CLVS1: variants seen among roughly 807,000 people sequenced by gnomAD.
CLVS1 encodes clavesin-1.
Under a neutral mutation model 33.1 loss-of-function variants are expected in CLVS1, and 10 were observed. The ratio of observed to expected loss-of-function variants is 0.30; its 90% confidence interval spans 0.19 to 0.51. CLVS1 has a LOEUF of 0.51. Among genes scored for constraint, CLVS1 ranks in the 20% least tolerant of loss-of-function variants. CLVS1 has a pLI of 0.97. For missense variants in CLVS1, 343 were observed against 433.4 expected (o/e 0.79, Z 1.85); for synonymous variants, 163 against 166.1 (o/e 0.98, Z 0.14).
chr8:61,341,828 G>A (rs1456471715), intron 2 of CLVS1, among the ~76,000 whole-genome samples: 1 of 152,170 alleles, frequency 6.6e-6, no homozygotes, highest in Non-Finnish European at 1.5e-5. Context: ...ATTTTGCAAG[G>A]CTGAAGGTGT....
chr8:61,356,176 ATT>A (rs529061913), intron 2 of CLVS1, among the ~76,000 whole-genome samples: 1 of 151,606 alleles, frequency 6.6e-6, no homozygotes, highest in South Asian at 2.1e-4. Flanking sequence ...GATGATGAGC[ATT>A]TTTTCATGTG....
rs181688801 is a variant in CLVS1, at chr8:61,162,827, G to C, written c.-152+30967G>C. Reference sequence around the variant, plus strand: ...AGCCTTTTGTCTTGTTTTATATCTCGAGAGCCTGGCTTTTGGGGCCAAGTG... The same window carrying C: ...AGCCTTTTGTCTTGTTTTATATCTCCAGAGCCTGGCTTTTGGGGCCAAGTG... On this transcript the variant is annotated intron_variant, in intron 2 of 2. Coordinates refer to the CLVS1 transcript ENST00000522621. 9.1e-4 allele frequency among the ~76,000 whole-genome samples: 138 copies of C among 152,176 alleles called. 1 individual carries two copies. The highest frequency in any genetic ancestry group is 8.1e-3 in the Admixed American group (124 of 15,280).
At chr8:61,056,240 A>G (rs979168828), upstream of CLVS1, among the ~76,000 whole-genome samples, 1 of 152,198 alleles carries the variant, frequency 6.6e-6, no homozygotes, top group African/African-American at 2.4e-5. Context: ...TTCTTACACC[A>G]AAGGTATTTA....
chr8:61,216,563 A>G lies in CLVS1; in HGVS notation c.-151-83114A>G, dbSNP rs78175347. On this transcript the variant is annotated intron_variant, in intron 2 of 2. Transcript: ENST00000522621. Reference sequence around the variant, plus strand: ...GAGGGGCTTATCTGAGAGGAGGAAGATGGAGGAACCAGATTTATTTCATTA... The same window carrying G: ...GAGGGGCTTATCTGAGAGGAGGAAGGTGGAGGAACCAGATTTATTTCATTA... Among the ~76,000 whole-genome samples the G allele has an allele frequency of 3.0e-3, 463 of 152,350 alleles. 1 individual carries two copies. The highest frequency in any genetic ancestry group is 0.011 in the African/African-American group (443 of 41,584).
intron 2 of CLVS1, among the ~76,000 whole-genome samples, chr8:61,276,183 C>T (rs1456559913): frequency 6.6e-6 from 1 of 152,182 alleles, no homozygotes; most frequent in Non-Finnish European, 1.5e-5. Context: ...AGGACAAAAT[C>T]CAGATTGGTA....
At chr8:61,472,238 CAT>C (rs1192202210) in intron 5 of CLVS1, among the ~76,000 whole-genome samples, 1 of 152,186 alleles carries the variant, frequency 6.6e-6, no homozygotes, top group African/African-American at 2.4e-5. Flanking sequence ...TTCTGAAGAT[CAT>C]ATGTTTCCCA....
intron 1 of CLVS1, among the ~76,000 whole-genome samples, chr8:61,108,786 C>T (rs1046521639): frequency 6.6e-6 from 1 of 152,188 alleles, no homozygotes; most frequent in African/African-American, 2.4e-5. Context: ...CTGGTTTTAA[C>T]ATTTCAGAAG....
At chr8:61,021,343 T>TTTTGTTTG in the CLVS1 span, among the ~76,000 whole-genome samples, 4 of 151,874 alleles carry the variant, frequency 2.6e-5, no homozygotes, top group Non-Finnish European at 5.9e-5. Flanking sequence ...CACGGTTGTG[T>TTTTGTTTG]TTTGTTTGTT....
At chr8:61,152,479 C>T (rs956969) in intron 2 of CLVS1, among the ~76,000 whole-genome samples, 60,865 of 152,112 alleles carry the variant, frequency 0.4, 15,244 homozygotes, top group Middle Eastern at 0.65. Flanking sequence ...CCGGTGGGTT[C>T]GTTTGTATGG....
At chr8:61,041,193 G>A in the CLVS1 span, among the ~76,000 whole-genome samples, 29,529 of 151,990 alleles carry the variant, frequency 0.19, 3,916 homozygotes, top group African/African-American at 0.37. Flanking sequence ...TGGTCTATAT[G>A]TCTGTTTTTG....
chr8:61,297,637 T>C (rs544191931), intron 1 of CLVS1, among the ~76,000 whole-genome samples: 1 of 152,260 alleles, frequency 6.6e-6, no homozygotes, highest in South Asian at 2.1e-4. Flanking sequence ...TTCAGTAGGC[T>C]GTAGAATGTG....
rs183602609 is a variant in CLVS1 at position 61,169,763 on chromosome 8, G to A, written c.-152+37903G>A. ...TGGTGTTTAAGCCTCAACCATCTGG[G>A]CTTTCTGTGAGTCTCATATTTGTGA... On this transcript the variant is annotated intron_variant, in intron 2 of 2. Transcript: ENST00000522621. 2.4e-3 allele frequency among the ~76,000 whole-genome samples: 366 copies of A among 151,478 alleles called. 3 individuals carry two copies. The highest frequency in any genetic ancestry group is 8.4e-3 in the African/African-American group (346 of 41,212).
At position 61,178,000 on chromosome 8, in the gene CLVS1, C is replaced by T. The variant is rs149216893; in HGVS notation, c.-152+46140C>T. ...AGAACTGTATGGAGAATGAGATGGA[C>T]GAATTGACAGAAGTAGGCTTCAGAA... On this transcript the variant is annotated intron_variant, in intron 2 of 2. Transcript: ENST00000522621. Among the ~76,000 whole-genome samples the T allele has an allele frequency of 4.3e-3, 657 of 152,078 alleles. 4 individuals carry two copies. Among genetic ancestry groups the T allele is most frequent in the Non-Finnish European group, 7.6e-3 (514 of 67,998 alleles).
intron 5 of CLVS1, among the ~76,000 whole-genome samples, chr8:61,492,912 T>C (rs1804143261): frequency 2.0e-5 from 3 of 152,164 alleles, no homozygotes; most frequent in African/African-American, 7.2e-5. Flanking sequence ...TTATGAAGAG[T>C]TTGGTAGCTG....
At chr8:61,313,757 A>G (rs1483589064) in intron 2 of CLVS1, among the ~76,000 whole-genome samples, 1 of 152,182 alleles carries the variant, frequency 6.6e-6, no homozygotes, top group Non-Finnish European at 1.5e-5. Flanking sequence ...TCCCAACAAC[A>G]GCATTCCTGT....
chr8:61,027,957 CAA>C, the CLVS1 span, among the ~76,000 whole-genome samples: 2 of 152,168 alleles, frequency 1.3e-5, no homozygotes, highest in African/African-American at 2.4e-5. Flanking sequence ...ATTAAGCAAT[CAA>C]GAGAATATTT....
chr8:61,341,316 T>C (rs781091472), intron 2 of CLVS1, among the ~76,000 whole-genome samples: 10 of 152,156 alleles, frequency 6.6e-5, no homozygotes, highest in Non-Finnish European at 8.8e-5. Context: ...TTAAAGATAA[T>C]AGACCTGTGT....
the CLVS1 span, among the ~76,000 whole-genome samples, chr8:60,998,506 C>G: frequency 6.6e-6 from 1 of 152,106 alleles, no homozygotes; most frequent in Non-Finnish European, 1.5e-5. Context: ...GCCTGTTTGG[C>G]TACCATCACA....
intron 3 of CLVS1, among the ~76,000 whole-genome samples, chr8:61,402,435 A>G (rs1814808226): frequency 6.6e-6 from 1 of 152,202 alleles, no homozygotes; most frequent in South Asian, 2.1e-4. Context: ...CTCAGAAAAT[A>G]TGGCAGGACA....
Sources: gnomAD v4.1 joint callset for allele counts (sites outside exome capture counted in the v4.1 genomes callset) on GRCh38, gnomAD v4.1.1 for gene constraint, MANE v1.5 for transcripts, NCBI Gene and HGNC (gene_info 2026-07-23, HGNC 2026-07-21) for gene names.